Variants in WTAP observed in about 807,000 individuals in gnomAD.
WTAP encodes the protein pre-mRNA-splicing regulator WTAP.
In WTAP, 8 loss-of-function variants were observed where a neutral mutation model predicts 50.0. The ratio of observed to expected loss-of-function variants is 0.16; its 90% CI spans 0.09 to 0.29. The LOEUF (loss-of-function observed/expected upper bound fraction) is 0.29. WTAP is among the 10% of genes least tolerant of loss of function. WTAP has a pLI of 1.00. For synonymous variants in WTAP, 194 were observed against 169.0 expected, an observed-to-expected ratio of 1.15 and a Z score of -1.15; for missense variants, 295 against 470.7, an observed-to-expected ratio of 0.63 and a Z score of 3.45.
rs1428205610 is a variant in WTAP at position 159,755,505 on chromosome 6, C to T, written c.1085C>T (p.Pro362Leu). The T allele has an allele frequency of 5.6e-6, 9 of 1,614,144 alleles. No individual in the cohort carries two copies. The highest frequency in any genetic ancestry group is 7.6e-6 in the Non-Finnish European group (9 of 1,180,024). The change falls in exon 8 of 8, where the codon CCT becomes CTT. Residue 362 changes from proline (P) to leucine (L), a missense_variant. Physicochemically the swap from Pro to Leu is moderately conservative, Grantham distance 98. Coordinates refer to ENST00000621533, the MANE Select transcript of WTAP (RefSeq NM_001270531.2). ...QSNDTDSSHD[P>L]QEEKAVSGKG... is the part of the protein sequence containing the mutation. The stretch of plus-strand genomic sequence containing the variant: ...AATGACACAGACTCCAGTCATGACC[C>T]TCAAGAGGAGAAAGCAGTGAGTGGG...
intron 5 of WTAP, among the ~76,000 whole-genome samples, chr6:159,745,530 A>G (rs942157001): frequency 6.6e-6 from 1 of 152,028 alleles, no homozygotes; most frequent in African/African-American, 2.4e-5. Flanking sequence ...TTTTGCAGAC[A>G]GGGCAGGGCA....
chr6:159,742,501 A>G (rs1188194443), intron 4 of WTAP, among the ~76,000 whole-genome samples: 2 of 152,202 alleles, frequency 1.3e-5, no homozygotes, highest in African/African-American at 2.4e-5. Flanking sequence ...CTAGAAGAGA[A>G]ATAAACAGAA....
intron 3 of WTAP, among the ~76,000 whole-genome samples, chr6:159,739,840 T>C (rs1225090332): frequency 7.1e-6 from 1 of 140,152 alleles, no homozygotes; most frequent in Non-Finnish European, 1.5e-5. Context: ...TTTTTTTTTT[T>C]TTTTTTTTTT....
At chr6:159,734,840 C>T (rs1481889879) in intron 1 of WTAP, among the ~76,000 whole-genome samples, 3 of 151,946 alleles carry the variant, frequency 2.0e-5, no homozygotes, top group Non-Finnish European at 4.4e-5. Flanking sequence ...CTCTTCATGT[C>T]GTATACTTTT....
At chr6:159,750,883 T>C (rs1779794943) in intron 6 of WTAP, among the ~76,000 whole-genome samples, 1 of 152,248 alleles carries the variant, frequency 6.6e-6, no homozygotes. Context: ...GGGTTTTGCT[T>C]TGGGTTGCGT....
chr6:159,727,293 C>T, upstream of WTAP: 2 of 1,280,136 alleles, frequency 1.6e-6, no homozygotes, highest in Non-Finnish European at 2.0e-6. Context: ...GGTTCGGCGG[C>T]GGGCGAGTGA....
chr6:159,749,298 C>G, intron 6 of WTAP: 7 of 985,756 alleles, frequency 7.1e-6, no homozygotes, highest in Non-Finnish European at 8.4e-6. Context: ...AATCCCCGTT[C>G]CATTCAACAG....
chr6:159,727,376 G>T, upstream of WTAP: 3 of 1,105,692 alleles, frequency 2.7e-6, no homozygotes, highest in South Asian at 4.7e-5. Flanking sequence ...GGGGAGGCTG[G>T]CGGGAGGCGG....
intron 3 of WTAP, among the ~76,000 whole-genome samples, chr6:159,739,824 CTTTTTTTTTTTTTTTTTTTTTTTT>C (rs56389349): frequency 1.2e-5 from 1 of 85,158 alleles, no homozygotes; most frequent in African/African-American, 4.6e-5. Context: ...CACTTTTTAC[CTTTTTTTTTTTTTTTTTTTTTTTT>C]TTTTTTTTTG....
At chr6:159,728,093 G>A (rs898083924) in intron 1 of WTAP, among the ~76,000 whole-genome samples, 5 of 152,182 alleles carry the variant, frequency 3.3e-5, no homozygotes, top group African/African-American at 1.2e-4. Context: ...AGTTCAGCAA[G>A]GAAAAAAAGA....
chr6:159,754,886 A>C, intron 7 of WTAP, 142 bp from the exon 8 acceptor site: 1 of 959,916 alleles, frequency 1.0e-6, no homozygotes, highest in South Asian at 2.3e-5. Flanking sequence ...TTCCAAGCAA[A>C]ATTTTTAAAT....
intron 1 of WTAP, among the ~76,000 whole-genome samples, chr6:159,730,657 G>C (rs1021928945): frequency 6.6e-6 from 1 of 152,208 alleles, no homozygotes; most frequent in South Asian, 2.1e-4. Context: ...CTTTTCATCA[G>C]ATTAAAGTTG....
chr6:159,738,982 CTT>C lies in WTAP; in HGVS notation c.31-6_31-5del, dbSNP rs1436969777. 6.2e-7 allele frequency: 1 copy of C among 1,605,966 alleles called. No homozygotes were observed. On this transcript the variant is annotated splice_region_variant and splice_polypyrimidine_tract_variant and intron_variant, in intron 2 of 7. Coordinates refer to ENST00000621533, the MANE Select transcript of WTAP (RefSeq NM_001270531.2). ...AACACTAAATTCATATTGTAATTCT[CTT>C]TATAGGTTCGATTGAGTGAAACAGA...
chr6:159,751,454 T>A (rs1202437412), intron 6 of WTAP, among the ~76,000 whole-genome samples: 1 of 152,234 alleles, frequency 6.6e-6, no homozygotes, highest in African/African-American at 2.4e-5. Flanking sequence ...GGCAGTAAAG[T>A]GGAAGGAATT....
intron 7 of WTAP, among the ~76,000 whole-genome samples, chr6:159,754,088 C>A (rs1051045641): frequency 6.6e-6 from 1 of 152,166 alleles, no homozygotes; most frequent in Admixed American, 6.6e-5. Context: ...TTGTCAGCCT[C>A]CATCCTTTTT....
chr6:159,736,650 G>C (rs1361686931), intron 2 of WTAP: 1 of 169,062 alleles, frequency 5.9e-6, no homozygotes, highest in African/African-American at 2.4e-5. Flanking sequence ...GACATTATGA[G>C]TATATTATTA....
intron 1 of WTAP, among the ~76,000 whole-genome samples, chr6:159,732,213 TG>T (rs1234824851): frequency 1.3e-5 from 2 of 152,202 alleles, no homozygotes; most frequent in Admixed American, 1.3e-4. Flanking sequence ...AAACCTGGGT[TG>T]GTCAAGGACC....
intron 6 of WTAP, among the ~76,000 whole-genome samples, chr6:159,751,960 G>GT (rs1779835938): frequency 6.6e-6 from 1 of 151,754 alleles, no homozygotes; most frequent in Admixed American, 6.6e-5. Context: ...TACTCCGGAG[G>GT]CTGAGGTGGG....
chr6:159,744,144 G>C (rs1477586929), intron 5 of WTAP, among the ~76,000 whole-genome samples: 1 of 152,160 alleles, frequency 6.6e-6, no homozygotes, highest in Admixed American at 6.5e-5. Context: ...AAAGCCATCT[G>C]AGGACTTTAT....
Sources: gnomAD v4.1 joint callset for allele counts (sites outside exome capture counted in the v4.1 genomes callset) on GRCh38, gnomAD v4.1.1 for gene constraint, MANE v1.5 for transcripts, NCBI Gene and HGNC (gene_info 2026-07-23, HGNC 2026-07-21) for gene names.